PTPRD: variants seen among roughly 807,000 people sequenced by gnomAD.
PTPRD encodes the protein receptor-type tyrosine-protein phosphatase delta.
PTPRD carries 34 observed loss-of-function variants against 214.5 expected under a neutral mutation model. The observed-to-expected ratio is 0.16, with a 90% CI of 0.12 to 0.21. The LOEUF (loss-of-function observed/expected upper bound fraction) is 0.21, where lower values mean the gene tolerates loss of function less well. Among genes scored for constraint, PTPRD ranks in the 10% least tolerant of loss-of-function variants. PTPRD has a pLI of 1.00. For synonymous variants in PTPRD, 1,128 were observed against 845.7 expected (o/e 1.33, Z -5.79); for missense variants, 2,545 against 2,398.7 (o/e 1.06, Z -1.27).
chr9:9,013,433 G>A (rs564645979), intron 11 of PTPRD, among the ~76,000 whole-genome samples: 10 of 152,228 alleles, frequency 6.6e-5, no homozygotes, highest in African/African-American at 2.4e-4. Flanking sequence ...TTCAAATATG[G>A]AAGGAACCTT....
At chr9:9,201,734 C>G (rs1593440010) in intron 9 of PTPRD, among the ~76,000 whole-genome samples, 2 of 152,176 alleles carry the variant, frequency 1.3e-5, no homozygotes, top group Admixed American at 1.3e-4. Flanking sequence ...AAAATCTATA[C>G]AAAATAATTC....
intron 14 of PTPRD, among the ~76,000 whole-genome samples, chr9:8,585,772 G>C (rs1254530639): frequency 6.6e-6 from 1 of 152,070 alleles, no homozygotes; most frequent in Non-Finnish European, 1.5e-5. Flanking sequence ...CTTGCATTTT[G>C]CCAGGCACTT....
intron 12 of PTPRD, among the ~76,000 whole-genome samples, chr9:8,672,125 G>A (rs1274490372): frequency 6.6e-6 from 1 of 152,096 alleles, no homozygotes; most frequent in East Asian, 1.9e-4. Flanking sequence ...TACTGTTCAT[G>A]TTCATGACAA....
intron 7 of PTPRD, among the ~76,000 whole-genome samples, chr9:9,640,800 C>A (rs1003076736): frequency 6.6e-6 from 1 of 152,190 alleles, no homozygotes; most frequent in Non-Finnish European, 1.5e-5. Flanking sequence ...AAGAGGGTAT[C>A]CTTTGGCCCT....
intron 3 of PTPRD, among the ~76,000 whole-genome samples, chr9:10,070,620 A>C (rs1207947317): frequency 2.0e-5 from 3 of 151,998 alleles, no homozygotes; most frequent in Non-Finnish European, 4.4e-5. Flanking sequence ...ATTACTATAT[A>C]CTTCTTTGAT....
chr9:9,136,622 A>G (rs1380445538), intron 10 of PTPRD, among the ~76,000 whole-genome samples: 1 of 152,190 alleles, frequency 6.6e-6, no homozygotes, highest in Non-Finnish European at 1.5e-5. Flanking sequence ...TAGTAAAACA[A>G]ATAGTCCAAT....
intron 8 of PTPRD, among the ~76,000 whole-genome samples, chr9:9,397,813 G>C (rs759920827): frequency 6.6e-6 from 1 of 151,784 alleles, no homozygotes; most frequent in Non-Finnish European, 1.5e-5. Flanking sequence ...ATACAATCTT[G>C]GTCCTGGCAC....
intron 2 of PTPRD, among the ~76,000 whole-genome samples, chr9:10,445,606 G>C (rs189092905): frequency 6.6e-6 from 1 of 152,200 alleles, no homozygotes; most frequent in Non-Finnish European, 1.5e-5. Context: ...CTTAGAATTT[G>C]GTTTGCATGT....
intron 2 of PTPRD, among the ~76,000 whole-genome samples, chr9:10,341,763 G>T (rs1020317030): frequency 1.3e-5 from 2 of 151,892 alleles, no homozygotes; most frequent in African/African-American, 4.8e-5. Flanking sequence ...CTTTTCATTT[G>T]TTTGTTATTA....
intron 11 of PTPRD, among the ~76,000 whole-genome samples, chr9:8,896,187 A>G (rs2098609054): frequency 6.6e-6 from 1 of 152,216 alleles, no homozygotes. Flanking sequence ...CATGCAGACT[A>G]TATTGCACGG....
chr9:8,820,007 G>C (rs977705892), intron 11 of PTPRD, among the ~76,000 whole-genome samples: 2 of 152,118 alleles, frequency 1.3e-5, no homozygotes, highest in Admixed American at 1.3e-4. Context: ...ATTCACAGCA[G>C]ACGGCATCAC....
At chr9:9,304,729 A>G (rs527533055) in intron 9 of PTPRD, among the ~76,000 whole-genome samples, 13 of 151,490 alleles carry the variant, frequency 8.6e-5, no homozygotes, top group African/African-American at 3.1e-4. Flanking sequence ...TTTTATATGT[A>G]TATTTTCTTA....
chr9:9,079,175 A>T (rs2099755456), intron 10 of PTPRD, among the ~76,000 whole-genome samples: 1 of 152,070 alleles, frequency 6.6e-6, no homozygotes, highest in African/African-American at 2.4e-5. Context: ...GTAATTTTGT[A>T]TCCTTTAACA....
intron 2 of PTPRD, among the ~76,000 whole-genome samples, chr9:10,478,298 C>T (rs1288984601): frequency 6.6e-6 from 1 of 152,072 alleles, no homozygotes; most frequent in East Asian, 1.9e-4. Flanking sequence ...TACATATTAC[C>T]CACATGTTGT....
chr9:10,090,859 C>T (rs76505649), intron 3 of PTPRD, among the ~76,000 whole-genome samples: 2,246 of 143,590 alleles, frequency 0.016, 48 homozygotes, highest in African/African-American at 0.054. Flanking sequence ...ATATCTTAAA[C>T]GGTAACTTTT....
chr9:9,340,177 C>T (rs1041914642), intron 9 of PTPRD, among the ~76,000 whole-genome samples: 1 of 152,046 alleles, frequency 6.6e-6, no homozygotes, highest in Non-Finnish European at 1.5e-5. Flanking sequence ...GGATGACTGG[C>T]TGAAATGGAG....
At chr9:10,204,071 G>A (rs1025227378) in intron 3 of PTPRD, among the ~76,000 whole-genome samples, 2 of 152,068 alleles carry the variant, frequency 1.3e-5, no homozygotes, top group Non-Finnish European at 2.9e-5. Flanking sequence ...CTACCAGCTT[G>A]TGCCATTGCT....
chr9:8,736,083 T>G (rs1340010343), intron 11 of PTPRD, among the ~76,000 whole-genome samples: 4 of 152,146 alleles, frequency 2.6e-5, no homozygotes, highest in Non-Finnish European at 4.4e-5. Flanking sequence ...AACTGACAAC[T>G]GGATCAGGGA....
At chr9:9,859,597 TATAA>T (rs2062264617) in intron 5 of PTPRD, among the ~76,000 whole-genome samples, 2 of 152,250 alleles carry the variant, frequency 1.3e-5, no homozygotes. Flanking sequence ...GTCATATTTG[TATAA>T]ATATTCTAGC....
Sources: gnomAD v4.1 joint callset for allele counts (sites outside exome capture counted in the v4.1 genomes callset) on GRCh38, gnomAD v4.1.1 for gene constraint, MANE v1.5 for transcripts, NCBI Gene and HGNC (gene_info 2026-07-23, HGNC 2026-07-21) for gene names.